The following TFDP2 variants were observed in gnomAD, a reference collection of about 807,000 sequenced individuals.
The protein encoded by TFDP2 is transcription factor Dp-2, also known as transcription factor Dp-2 (E2F dimerization partner 2).
In TFDP2, 17 loss-of-function variants were observed where a neutral mutation model predicts 59.3. The observed-to-expected ratio is 0.29, with a 90% CI of 0.20 to 0.43. TFDP2 has a LOEUF of 0.43. Among genes scored for constraint, TFDP2 ranks in the 20% least tolerant of loss-of-function variants. The pLI is 1.00. For missense variants in TFDP2, 391 were observed against 528.8 expected (o/e 0.74, Z 2.56); for synonymous variants, 180 against 194.7 (o/e 0.92, Z 0.63).
At chr3:142,001,193 A>AC (rs1441395982) in intron 4 of TFDP2, among the ~76,000 whole-genome samples, 5 of 152,306 alleles carry the variant, frequency 3.3e-5, no homozygotes, top group African/African-American at 1.2e-4. Flanking sequence ...GGTGGAAGTT[A>AC]TCATACCCCG....
At chr3:142,122,715 C>A (rs1172065439) in intron 1 of TFDP2, among the ~76,000 whole-genome samples, 2 of 152,152 alleles carry the variant, frequency 1.3e-5, no homozygotes, top group Non-Finnish European at 2.9e-5. Flanking sequence ...TGGGAGGAAG[C>A]ATAACCTTGG....
chr3:142,034,043 A>T (rs1166117361), intron 3 of TFDP2, among the ~76,000 whole-genome samples: 1 of 151,254 alleles, frequency 6.6e-6, no homozygotes. Context: ...AATCACTAAA[A>T]TTTTTTAGTG....
intron 5 of TFDP2, 87 bp from the exon 6 acceptor site, chr3:141,993,672 T>C (rs1943004530): frequency 1.4e-6 from 1 of 715,884 alleles, no homozygotes; most frequent in South Asian, 2.2e-5. Context: ...TTGTCTAAAA[T>C]TATACACTGA....
chr3:142,055,526 G>A (rs759351509), intron 3 of TFDP2, among the ~76,000 whole-genome samples: 6 of 152,130 alleles, frequency 3.9e-5, no homozygotes, highest in Non-Finnish European at 8.8e-5. Context: ...TAAGAAAATC[G>A]ACATTTTGAA....
At chr3:142,117,307 CAT>C (rs1209267155) in intron 1 of TFDP2, among the ~76,000 whole-genome samples, 3 of 151,414 alleles carry the variant, frequency 2.0e-5, no homozygotes, top group Admixed American at 2.0e-4. Flanking sequence ...CCTGAACAAA[CAT>C]AAAATAAACC....
chr3:141,975,144 C>T lies in TFDP2; in HGVS notation c.520-953G>A, dbSNP rs139078140. 1.1e-3 allele frequency among the ~76,000 whole-genome samples: 174 copies of T among 151,914 alleles called. 1 individual carries two copies. Among genetic ancestry groups the T allele is most frequent in the African/African-American group, 3.9e-3 (160 of 41,466 alleles). On this transcript the variant is annotated intron_variant, in intron 7 of 12. Transcript: ENST00000489671. The stretch of plus-strand genomic sequence containing the variant: ...GGCCAGGCTGATCTTGAACTCCTGA[C>T]CTCATGATCTGCCTGCCTCGACCTC...
At position 141,969,117 on chromosome 3, in the gene TFDP2, GAT is replaced by G. The variant is rs560261740; in HGVS notation, c.732+954_732+955del. On this transcript the variant is annotated intron_variant, in intron 9 of 12. Coordinates refer to ENST00000489671, the MANE Select transcript of TFDP2 (RefSeq NM_001178139.2). ...ATATATATATATCTCATATATATGA[GAT>G]ATATATATAACATATATATCCCATA... Among the ~76,000 whole-genome samples, 13 of 76,286 alleles carry G rather than the reference GAT, an allele frequency of 1.7e-4. 2 individuals are homozygous for G. The highest frequency in any genetic ancestry group is 6.7e-4 in the South Asian group (2 of 2,984). The allele number at this position is 76,286 out of a possible 152,430, so 50.0% of individuals were successfully genotyped here.
chr3:142,038,150 C>T (rs1193640734), intron 3 of TFDP2, among the ~76,000 whole-genome samples: 2 of 152,034 alleles, frequency 1.3e-5, no homozygotes, highest in African/African-American at 2.4e-5. Flanking sequence ...TCTGGGAGGC[C>T]GAAGCAGGTG....
intron 3 of TFDP2, among the ~76,000 whole-genome samples, chr3:142,010,506 G>A (rs1227583223): frequency 1.3e-5 from 2 of 151,756 alleles, no homozygotes; most frequent in South Asian, 4.2e-4. Flanking sequence ...CTACTTGGGG[G>A]GCTGAGGCAG....
chr3:142,144,115 T>G (rs1430647003), intron 1 of TFDP2, among the ~76,000 whole-genome samples: 3 of 152,224 alleles, frequency 2.0e-5, no homozygotes, highest in African/African-American at 7.2e-5. Flanking sequence ...GGCTCACATC[T>G]GTAATCCCAG....
At chr3:142,084,151 T>TA (rs1455648216) in intron 3 of TFDP2, among the ~76,000 whole-genome samples, 4 of 151,890 alleles carry the variant, frequency 2.6e-5, no homozygotes, top group Non-Finnish European at 4.4e-5. Context: ...ACAATTCAAT[T>TA]AAAAAATGGG....
rs773898989 is a variant in TFDP2, at chr3:141,950,136, T to C, written c.*2377A>G. The C allele has an allele frequency of 6.6e-6, 1 of 152,196 alleles. No homozygotes were observed. Among genetic ancestry groups the C allele is most frequent in the African/African-American group, 2.4e-5 (1 of 41,438 alleles). The allele number at this position is 152,196 out of a possible 1,614,324, so 9.4% of individuals were successfully genotyped here. A position where few individuals can be genotyped will look rare whatever the true frequency, so the allele number is the denominator to read the frequency against. On this transcript the variant is annotated 3_prime_UTR_variant, in exon 13 of 13. Transcript: ENST00000489671. ...GTTTCCTAACACTGCCTCACTTTGA[T>C]CTTGTGTGAAATTGTGACTCAGTGC...
intron 1 of TFDP2, among the ~76,000 whole-genome samples, chr3:142,118,083 G>A (rs999365413): frequency 2.6e-5 from 4 of 152,234 alleles, no homozygotes; most frequent in African/African-American, 9.6e-5. Flanking sequence ...GGGTGACAGA[G>A]TGAGACCTTG....
chr3:142,018,045 C>A (rs1387448775), intron 3 of TFDP2, among the ~76,000 whole-genome samples: 1 of 151,840 alleles, frequency 6.6e-6, no homozygotes, highest in Non-Finnish European at 1.5e-5. Flanking sequence ...TGGGTTCAGG[C>A]GATTCTCCTG....
chr3:142,043,976 G>T, intron 3 of TFDP2: 1 of 730,578 alleles, frequency 1.4e-6, no homozygotes, highest in Non-Finnish European at 2.5e-6. Context: ...ATGCCACTGT[G>T]CCTGCCTTCC....
intron 3 of TFDP2, among the ~76,000 whole-genome samples, chr3:142,013,783 A>G (rs1465108539): frequency 6.6e-6 from 1 of 151,424 alleles, no homozygotes; most frequent in Non-Finnish European, 1.5e-5. Context: ...TTTTTTTTCC[A>G]CTATAATTCT....
intron 7 of TFDP2, among the ~76,000 whole-genome samples, chr3:141,974,825 G>C (rs148055696): frequency 6.4e-4 from 97 of 151,792 alleles, no homozygotes; most frequent in African/African-American, 2.2e-3. Context: ...ATCTACAATG[G>C]GACTAGGAAC....
At chr3:142,071,821 G>T (rs1162738690) in intron 3 of TFDP2, among the ~76,000 whole-genome samples, 1 of 152,124 alleles carries the variant, frequency 6.6e-6, no homozygotes, top group Non-Finnish European at 1.5e-5. Context: ...GCAGATTTTG[G>T]GAGGGTAAAA....
rs184153580 is a variant in TFDP2 at position 141,948,276 on chromosome 3, T to C, written c.*4237A>G. ...GCTAAATAGAGCCGGGTGCGGTGGC[T>C]CACACCTGTAATCCCAGCACTTCGG... On this transcript the variant is annotated 3_prime_UTR_variant, in exon 13 of 13. Transcript: ENST00000489671. The C allele has an allele frequency of 0.016, 2,410 of 152,272 alleles. 24 individuals are homozygous for C. The highest frequency in any genetic ancestry group is 0.023 in the Non-Finnish European group (1,569 of 68,068). The allele number at this position is 152,272 out of a possible 1,614,324, so 9.4% of individuals were successfully genotyped here.
Sources: allele counts gnomAD v4.1 joint callset (sites outside exome capture counted in the v4.1 genomes callset), GRCh38; gene constraint gnomAD v4.1.1; transcripts MANE v1.5; gene names NCBI Gene and HGNC (gene_info 2026-07-23, HGNC 2026-07-21).